Variants in ARHGEF12 observed in about 807,000 individuals in gnomAD.
ARHGEF12 encodes Rho guanine nucleotide exchange factor 12.
In ARHGEF12, 66 loss-of-function variants were observed where a neutral mutation model predicts 211.2. That is an observed-to-expected ratio of 0.31 (90% CI 0.26 to 0.38). ARHGEF12 has a LOEUF of 0.38. ARHGEF12 is among the 10% of genes least tolerant of loss of function. The pLI is 1.00. For missense variants in ARHGEF12, 1,429 were observed against 1,869.5 expected (o/e 0.76, Z 4.34); for synonymous variants, 592 against 638.4 (o/e 0.93, Z 1.09).
intron 1 of ARHGEF12, among the ~76,000 whole-genome samples, chr11:120,351,399 T>G (rs1351829742): frequency 2.6e-5 from 3 of 117,486 alleles, no homozygotes; most frequent in African/African-American, 6.2e-5. Flanking sequence ...ACTTGGGATG[T>G]AGGAAAGGAA....
At chr11:120,384,492 T>G (rs959919479) in intron 1 of ARHGEF12, among the ~76,000 whole-genome samples, 3 of 152,240 alleles carry the variant, frequency 2.0e-5, no homozygotes, top group African/African-American at 4.8e-5. Context: ...AGGCTGAGTC[T>G]TCTTAGTATA....
intron 22 of ARHGEF12, among the ~76,000 whole-genome samples, chr11:120,453,745 G>A (rs1428152980): frequency 1.3e-5 from 2 of 152,050 alleles, no homozygotes; most frequent in Admixed American, 1.3e-4. Flanking sequence ...AGAACCACAA[G>A]ATAAAACCAT....
At chr11:120,406,621 C>T (rs866642216) in intron 2 of ARHGEF12, among the ~76,000 whole-genome samples, 9 of 152,050 alleles carry the variant, frequency 5.9e-5, no homozygotes, top group Admixed American at 1.3e-4. Context: ...TGCAGTGGCG[C>T]GATCTCAGCT....
rs1947475813 is a variant in ARHGEF12 at position 120,489,244 on chromosome 11, T to C, written c.*4167T>C. ...CTAGCATGTGGGGCAGGTTTGTTGT[T>C]TTTTTAATAGCTTTATTGAGATATT... On this transcript the variant is annotated 3_prime_UTR_variant, in exon 41 of 41. Coordinates refer to ENST00000397843, the MANE Select transcript of ARHGEF12 (RefSeq NM_015313.3). The C allele has an allele frequency of 1.8e-5, 4 of 228,428 alleles. No homozygotes were observed. Among genetic ancestry groups the C allele is most frequent in the Non-Finnish European group, 2.6e-5 (3 of 115,010 alleles). The allele number at this position is 228,428 out of a possible 1,614,324, so 14.2% of individuals were successfully genotyped here.
Position 120,431,940 on chromosome 11 carries a change from T to C in ARHGEF12, c.924+29T>C, listed in dbSNP as rs753947972. The C allele has an allele frequency of 5.8e-6, 9 of 1,548,714 alleles. No homozygotes were observed. In the African/African-American group the frequency reaches 1.1e-4, roughly 19 times the overall value. On this transcript the variant is annotated intron_variant, in intron 11 of 40. Transcript: ENST00000397843. ...AGCTTTCAGTTTTCTAAATCTTTTT[T>C]CTTCTGTATTCTTCTTTACAGCCCC... is the stretch of plus-strand genomic sequence containing the variant.
chr11:120,388,459 G>A (rs1229927673), intron 1 of ARHGEF12, among the ~76,000 whole-genome samples: 1 of 152,142 alleles, frequency 6.6e-6, no homozygotes, highest in Non-Finnish European at 1.5e-5. Context: ...GTGTACATAA[G>A]CTTTCATCTC....
intron 33 of ARHGEF12, chr11:120,476,078 T>A (rs959060362): frequency 1.3e-5 from 2 of 152,602 alleles, no homozygotes; most frequent in African/African-American, 4.8e-5. Flanking sequence ...TTATTTATTT[T>A]TTTTCTTTTG....
intron 1 of ARHGEF12, among the ~76,000 whole-genome samples, chr11:120,357,416 A>G (rs1166536931): frequency 6.6e-6 from 1 of 152,238 alleles, no homozygotes; most frequent in Non-Finnish European, 1.5e-5. Context: ...AACTAAGTGC[A>G]CAGGGCACAG....
chr11:120,420,038 G>C (rs1158528541), intron 4 of ARHGEF12, among the ~76,000 whole-genome samples: 1 of 151,902 alleles, frequency 6.6e-6, no homozygotes, highest in Non-Finnish European at 1.5e-5. Context: ...GTTTTCATTT[G>C]CTGTTTAGAA....
chr11:120,470,040 G>T (rs1034470113), intron 30 of ARHGEF12, among the ~76,000 whole-genome samples: 7 of 152,194 alleles, frequency 4.6e-5, no homozygotes, highest in African/African-American at 1.7e-4. Flanking sequence ...CATGAGTGTG[G>T]ATCATGCCTA....
intron 1 of ARHGEF12, among the ~76,000 whole-genome samples, chr11:120,383,094 G>A (rs1026012448): frequency 2.6e-5 from 4 of 152,022 alleles, no homozygotes; most frequent in African/African-American, 7.2e-5. Context: ...AGCGGAGATC[G>A]CACCACTGCA....
At chr11:120,397,772 A>C (rs1389881155) in intron 1 of ARHGEF12, among the ~76,000 whole-genome samples, 2 of 152,204 alleles carry the variant, frequency 1.3e-5, no homozygotes, top group Admixed American at 6.6e-5. Flanking sequence ...CACAGTTTAA[A>C]ACCAGCACTG....
At chr11:120,402,502 A>G (rs2135552616) in intron 1 of ARHGEF12, among the ~76,000 whole-genome samples, 1 of 152,324 alleles carries the variant, frequency 6.6e-6, no homozygotes, top group African/African-American at 2.4e-5. Flanking sequence ...TTCTAAATTT[A>G]ATAGGTAACA....
At position 120,386,830 on chromosome 11, in the gene ARHGEF12, A is replaced by G. The variant is rs1303306961; in HGVS notation, c.33-19288A>G. On this transcript the variant is annotated intron_variant, in intron 1 of 40. Coordinates refer to ENST00000397843, the MANE Select transcript of ARHGEF12 (RefSeq NM_015313.3). ...CAAAAATTGTCATTCTCTTTTATAGATGAGAAAATTTACATTTTGAGAGAT... is the reference window on the plus strand; with the variant it reads ...CAAAAATTGTCATTCTCTTTTATAGGTGAGAAAATTTACATTTTGAGAGAT... Among the ~76,000 whole-genome samples, 4 of 152,124 alleles carry G rather than the reference A, an allele frequency of 2.6e-5. No homozygotes were observed. The East Asian group carries it at 7.7e-4, about 29-fold the overall frequency.
rs1032931759 is a variant in ARHGEF12 at position 120,486,317 on chromosome 11, C to T, written c.*1240C>T. 2 of 233,218 alleles carry T rather than the reference C, an allele frequency of 8.6e-6. No individual in the cohort carries two copies. Among genetic ancestry groups the T allele is most frequent in the African/African-American group, 2.2e-5 (1 of 45,324 alleles). The allele number at this position is 233,218 out of a possible 1,614,324, so 14.4% of individuals were successfully genotyped here. A position where few individuals can be genotyped will look rare whatever the true frequency, so the allele number is the denominator to read the frequency against. ...TATGGTGAAGGCAGAACTGCTCACA[C>T]CAGCTCCAGAAGCACGTCCTCTGAC... On this transcript the variant is annotated 3_prime_UTR_variant, in exon 41 of 41. Coordinates refer to ENST00000397843, the MANE Select transcript of ARHGEF12 (RefSeq NM_015313.3).
At chr11:120,340,384 T>G (rs570432244) in intron 1 of ARHGEF12, among the ~76,000 whole-genome samples, 35 of 152,358 alleles carry the variant, frequency 2.3e-4, no homozygotes, top group African/African-American at 7.9e-4. Context: ...GACTTTTGTT[T>G]TGGCTAGGGC....
At chr11:120,392,186 T>C (rs1944239875) in intron 1 of ARHGEF12, among the ~76,000 whole-genome samples, 1 of 152,192 alleles carries the variant, frequency 6.6e-6, no homozygotes, top group African/African-American at 2.4e-5. Flanking sequence ...ATTAATCTGC[T>C]TATCCTTTGT....
intron 22 of ARHGEF12, 30 bp from the exon 23 acceptor site, chr11:120,457,088 A>G (rs767691260): frequency 1.2e-5 from 19 of 1,610,858 alleles, no homozygotes; most frequent in Non-Finnish European, 1.4e-5. Flanking sequence ...AAGTATTAAC[A>G]CTCTTCAAAT....
intron 12 of ARHGEF12, 42 bp from the exon 13 acceptor site, chr11:120,440,087 C>A: frequency 7.2e-7 from 1 of 1,392,612 alleles, no homozygotes; most frequent in Non-Finnish European, 1.0e-6. Flanking sequence ...TAAATTTGAC[C>A]ACCAGGTAAT....
Sources: allele counts gnomAD v4.1 joint callset (sites outside exome capture counted in the v4.1 genomes callset), GRCh38; gene constraint gnomAD v4.1.1; transcripts MANE v1.5; gene names NCBI Gene and HGNC (gene_info 2026-07-23, HGNC 2026-07-21).